The following LDLRAD4 variants were observed in gnomAD, a reference collection of about 807,000 sequenced individuals.
LDLRAD4 encodes the protein low-density lipoprotein receptor class A domain-containing protein 4.
In LDLRAD4, 5 loss-of-function variants were observed where a neutral mutation model predicts 17.0. The observed-to-expected ratio is 0.29, with a 90% CI of 0.15 to 0.62. LDLRAD4 has a LOEUF of 0.62. LDLRAD4 is among the 20% of genes least tolerant of loss of function. The probability of loss-of-function intolerance (pLI) is 0.84; values close to 1 mark genes in which losing one functional copy is unlikely to be tolerated. For missense variants in LDLRAD4, 340 were observed against 424.7 expected (o/e 0.80, Z 1.75); for synonymous variants, 168 against 171.8 (o/e 0.98, Z 0.17).
intron 3 of LDLRAD4, among the ~76,000 whole-genome samples, chr18:13,493,301 G>A (rs1306998813): frequency 3.9e-5 from 6 of 152,138 alleles, no homozygotes; most frequent in South Asian, 2.1e-4. Flanking sequence ...CTTTTTAGTC[G>A]AGTGAGTCTG....
At chr18:13,401,105 A>G (rs1480417511) in intron 2 of LDLRAD4, among the ~76,000 whole-genome samples, 3 of 152,162 alleles carry the variant, frequency 2.0e-5, no homozygotes, top group Non-Finnish European at 2.9e-5. Flanking sequence ...AGGGAGGGCA[A>G]GGGCACATAG....
chr18:13,284,325 T>A (rs2045480934), intron 1 of LDLRAD4, among the ~76,000 whole-genome samples: 1 of 152,096 alleles, frequency 6.6e-6, no homozygotes, highest in Non-Finnish European at 1.5e-5. Context: ...CTCCGCCTGC[T>A]TGTTGGATTC....
chr18:13,289,628 TAA>T (rs2045850363), intron 1 of LDLRAD4, among the ~76,000 whole-genome samples: 1 of 152,246 alleles, frequency 6.6e-6, no homozygotes, highest in African/African-American at 2.4e-5. Flanking sequence ...CTTTGCAAAG[TAA>T]AAGAGAGATG....
intron 3 of LDLRAD4, among the ~76,000 whole-genome samples, chr18:13,532,366 G>T (rs1196844842): frequency 6.6e-6 from 1 of 152,200 alleles, no homozygotes; most frequent in Non-Finnish European, 1.5e-5. Flanking sequence ...ATGACCTGTG[G>T]CATTAAACTG....
intron 3 of LDLRAD4, among the ~76,000 whole-genome samples, chr18:13,599,097 C>G (rs1601628223): frequency 6.6e-6 from 1 of 152,210 alleles, no homozygotes; most frequent in African/African-American, 2.4e-5. Context: ...ACTGCATTCA[C>G]CTGTAATTTA....
intron 1 of LDLRAD4, among the ~76,000 whole-genome samples, chr18:13,298,421 T>TGGGC (rs2146525563): frequency 1.0e-5 from 1 of 98,042 alleles, no homozygotes; most frequent in Admixed American, 1.1e-4. Flanking sequence ...CTGCTCCAGG[T>TGGGC]ATGGTGATGG....
At chr18:13,421,925 C>G (rs2089499574) in intron 2 of LDLRAD4, among the ~76,000 whole-genome samples, 1 of 152,240 alleles carries the variant, frequency 6.6e-6, no homozygotes, top group South Asian at 2.1e-4. Flanking sequence ...CGTGCCTATG[C>G]TGCAGTCACT....
At chr18:13,478,867 C>G (rs2093013132) in intron 3 of LDLRAD4, among the ~76,000 whole-genome samples, 1 of 152,166 alleles carries the variant, frequency 6.6e-6, no homozygotes, top group South Asian at 2.1e-4. Flanking sequence ...CGCTGCCTGC[C>G]TTAAAGACTT....
chr18:13,301,285 C>A (rs2046583755), intron 1 of LDLRAD4, among the ~76,000 whole-genome samples: 1 of 152,222 alleles, frequency 6.6e-6, no homozygotes, highest in South Asian at 2.1e-4. Context: ...TCTTTCCCCA[C>A]AACTCCAGTC....
intron 3 of LDLRAD4, among the ~76,000 whole-genome samples, chr18:13,547,803 T>G (rs1398275256): frequency 1.3e-5 from 2 of 152,222 alleles, no homozygotes; most frequent in Non-Finnish European, 2.9e-5. Context: ...CTCCTATGTC[T>G]GGGCTCCCCA....
intron 1 of LDLRAD4, among the ~76,000 whole-genome samples, chr18:13,326,109 G>T (rs1392772922): frequency 6.6e-6 from 1 of 152,120 alleles, no homozygotes; most frequent in Non-Finnish European, 1.5e-5. Flanking sequence ...TGATAGCTGA[G>T]ATGAGTGACT....
intron 3 of LDLRAD4, among the ~76,000 whole-genome samples, chr18:13,463,153 C>A (rs555145480): frequency 3.0e-4 from 45 of 152,198 alleles, no homozygotes; most frequent in Non-Finnish European, 6.0e-4. Context: ...TGTGTGTGCA[C>A]CTAGGGAATG....
chr18:13,504,759 C>T (rs1015122773), intron 3 of LDLRAD4, among the ~76,000 whole-genome samples: 1 of 152,214 alleles, frequency 6.6e-6, no homozygotes, highest in African/African-American at 2.4e-5. Context: ...TACACACTTT[C>T]TCTTCCGAGA....
chr18:13,492,678 T>C (rs1286096896), intron 3 of LDLRAD4, among the ~76,000 whole-genome samples: 2 of 152,192 alleles, frequency 1.3e-5, no homozygotes, highest in Non-Finnish European at 2.9e-5. Flanking sequence ...AGAGAAATGG[T>C]AGCTGCTCAG....
At chr18:13,259,699 C>T (rs569170680) in intron 1 of LDLRAD4, among the ~76,000 whole-genome samples, 22 of 145,320 alleles carry the variant, frequency 1.5e-4, no homozygotes, top group African/African-American at 5.2e-4. Flanking sequence ...CTCCCTCCCT[C>T]CCTCCCTCCA....
intron 1 of LDLRAD4, among the ~76,000 whole-genome samples, chr18:13,258,599 A>G (rs147302373): frequency 1.3e-5 from 2 of 152,348 alleles, no homozygotes; most frequent in Admixed American, 1.3e-4. Flanking sequence ...GTGTGAACCA[A>G]AGATTACATT....
Position 13,622,240 on chromosome 18 carries a change from T to C in LDLRAD4, c.336+969T>C, listed in dbSNP as rs533157375. ...GGGTGGCCGCTGGCCCTGGGACCCCTCTCAGGAGTGCAGGCTCACACTTCA... is the reference window on the plus strand; with the variant it reads ...GGGTGGCCGCTGGCCCTGGGACCCCCCTCAGGAGTGCAGGCTCACACTTCA... On this transcript the variant is annotated intron_variant, in intron 4 of 5. Coordinates refer to ENST00000359446, the Ensembl canonical transcript of LDLRAD4. This position sits in a 1 kb window ranked among gnomAD's most constrained non-coding sequence, Gnocchi z 5.3. Among the ~76,000 whole-genome samples, 9 of 152,170 alleles carry C rather than the reference T, an allele frequency of 5.9e-5. No individual in the cohort carries two copies. In the East Asian group the frequency reaches 1.7e-3, roughly 29 times the overall value.
At chr18:13,466,116 A>G (rs1013952901) in intron 3 of LDLRAD4, among the ~76,000 whole-genome samples, 2 of 152,240 alleles carry the variant, frequency 1.3e-5, no homozygotes, top group Non-Finnish European at 2.9e-5. Flanking sequence ...CATAATTTTC[A>G]TATAGTAACA....
intron 1 of LDLRAD4, among the ~76,000 whole-genome samples, chr18:13,319,761 C>G (rs913132165): frequency 6.6e-6 from 1 of 152,082 alleles, no homozygotes; most frequent in Non-Finnish European, 1.5e-5. Flanking sequence ...ATGGCAAAAA[C>G]CATGAAAAGG....
Sources: allele counts gnomAD v4.1 joint callset (sites outside exome capture counted in the v4.1 genomes callset), GRCh38; gene constraint gnomAD v4.1.1; non-coding constraint Gnocchi (gnomAD v3.1); transcripts MANE v1.5; gene names NCBI Gene and HGNC (gene_info 2026-07-23, HGNC 2026-07-21).